The following GPC5 variants were observed in gnomAD, a reference collection of about 807,000 sequenced individuals.
GPC5 encodes glypican-5.
Under a neutral mutation model 53.9 loss-of-function variants are expected in GPC5, and 47 were observed. The observed-to-expected ratio is 0.87, with a 90% CI of 0.69 to 1.11. GPC5 has a LOEUF of 1.11. GPC5 is among the 50% of genes most tolerant of loss of function. GPC5 has a pLI of 0.00. For synonymous variants in GPC5, 286 were observed against 263.3 expected (o/e 1.09, Z -0.84); for missense variants, 748 against 713.1 (o/e 1.05, Z -0.56).
chr13:92,400,526 C>T (rs953196635), intron 7 of GPC5, among the ~76,000 whole-genome samples: 2 of 152,158 alleles, frequency 1.3e-5, no homozygotes, highest in African/African-American at 4.8e-5. Context: ...TGTTCCATAT[C>T]CTAAAATTTT....
intron 6 of GPC5, among the ~76,000 whole-genome samples, chr13:92,094,031 A>G (rs1214573561): frequency 3.3e-5 from 5 of 152,196 alleles, no homozygotes; most frequent in African/African-American, 1.2e-4. Flanking sequence ...TTACCTCATA[A>G]TGCTATCATT....
At chr13:91,599,077 T>G (rs2033091930) in intron 2 of GPC5, among the ~76,000 whole-genome samples, 1 of 152,102 alleles carries the variant, frequency 6.6e-6, no homozygotes, top group Non-Finnish European at 1.5e-5. Flanking sequence ...ATCAAGTGGT[T>G]TTTGATGACA....
intron 5 of GPC5, among the ~76,000 whole-genome samples, chr13:91,818,975 G>T: frequency 6.6e-6 from 1 of 151,646 alleles, no homozygotes; most frequent in Non-Finnish European, 1.5e-5. Context: ...GCATTTAATG[G>T]ATGCATATAA....
intron 5 of GPC5, among the ~76,000 whole-genome samples, chr13:91,870,639 T>C (rs1408907214): frequency 2.6e-5 from 4 of 152,164 alleles, no homozygotes; most frequent in Admixed American, 2.6e-4. Flanking sequence ...GTCTTCACGC[T>C]ATAGACGCAT....
intron 7 of GPC5, among the ~76,000 whole-genome samples, chr13:92,699,406 G>GT (rs1887657591): frequency 1.4e-5 from 2 of 147,508 alleles, no homozygotes; most frequent in Non-Finnish European, 3.0e-5. Context: ...TTTTTGAAGG[G>GT]TTTTTTGTGT....
At chr13:92,429,302 G>A (rs1446401540) in intron 7 of GPC5, among the ~76,000 whole-genome samples, 1 of 151,852 alleles carries the variant, frequency 6.6e-6, no homozygotes, top group African/African-American at 2.4e-5. Context: ...AACCAAAACT[G>A]TATGCAAGAT....
chr13:92,254,666 G>A (rs943720601), intron 7 of GPC5, among the ~76,000 whole-genome samples: 1 of 152,144 alleles, frequency 6.6e-6, no homozygotes, highest in African/African-American at 2.4e-5. Flanking sequence ...ACACGGCTGG[G>A]GAGGCCTTGG....
chr13:92,110,427 T>A (rs181051319), intron 6 of GPC5, among the ~76,000 whole-genome samples: 1 of 152,262 alleles, frequency 6.6e-6, no homozygotes, highest in Admixed American at 6.5e-5. Flanking sequence ...GCAGCTTCCA[T>A]GAATTATTCT....
intron 7 of GPC5, among the ~76,000 whole-genome samples, chr13:92,373,862 T>A (rs2043671148): frequency 6.6e-6 from 1 of 152,190 alleles, no homozygotes; most frequent in Admixed American, 6.5e-5. Flanking sequence ...TTCATCTGAT[T>A]AACAGTGTAG....
intron 1 of GPC5, among the ~76,000 whole-genome samples, chr13:91,407,565 A>AT (rs960146881): frequency 4.6e-5 from 7 of 151,992 alleles, no homozygotes; most frequent in Admixed American, 1.3e-4. Context: ...GTATTACTTG[A>AT]TTTTTTTTCT....
intron 6 of GPC5, among the ~76,000 whole-genome samples, chr13:92,130,785 TGGA>T (rs2041737120): frequency 6.6e-6 from 1 of 152,040 alleles, no homozygotes; most frequent in African/African-American, 2.4e-5. Context: ...CTTATATTGT[TGGA>T]GAAGTGGAAA....
intron 2 of GPC5, among the ~76,000 whole-genome samples, chr13:91,462,596 C>T (rs996410280): frequency 9.9e-5 from 15 of 152,230 alleles, no homozygotes; most frequent in African/African-American, 3.4e-4. Flanking sequence ...ATCTGTAAGA[C>T]ATTGTAGAGG....
intron 7 of GPC5, among the ~76,000 whole-genome samples, chr13:92,413,822 T>G (rs56341020): frequency 6.6e-6 from 1 of 152,258 alleles, no homozygotes; most frequent in Admixed American, 6.5e-5. Flanking sequence ...GGGGCTGAGA[T>G]GAGGCTATTT....
intron 6 of GPC5, among the ~76,000 whole-genome samples, chr13:91,953,290 G>A (rs1012751316): frequency 6.6e-6 from 1 of 152,102 alleles, no homozygotes; most frequent in Non-Finnish European, 1.5e-5. Flanking sequence ...TTGAAGTTAG[G>A]AGTTATTTTT....
At chr13:91,818,678 A>G (rs2038438064) in intron 5 of GPC5, among the ~76,000 whole-genome samples, 1 of 152,262 alleles carries the variant, frequency 6.6e-6, no homozygotes, top group Non-Finnish European at 1.5e-5. Flanking sequence ...GTTCTGTGCT[A>G]GGCCCTCCAG....
At chr13:92,160,756 C>T (rs1018189911) in intron 7 of GPC5, among the ~76,000 whole-genome samples, 14 of 152,096 alleles carry the variant, frequency 9.2e-5, no homozygotes, top group African/African-American at 3.4e-4. Context: ...AAAGTTGAGG[C>T]AAGGCAATTA....
chr13:92,468,407 G>T lies in GPC5; in HGVS notation c.1561+323418G>T, dbSNP rs539585067. On this transcript the variant is annotated intron_variant, in intron 7 of 7. Transcript: ENST00000377067. ...GAATGCAGATTTAGAGAGCCTGTTAGTCTGGGGAGAAACAGTAACTTGTCT... is the reference window on the plus strand; with the variant it reads ...GAATGCAGATTTAGAGAGCCTGTTATTCTGGGGAGAAACAGTAACTTGTCT... 2.6e-5 allele frequency among the ~76,000 whole-genome samples: 4 copies of T among 152,242 alleles called. No homozygotes were observed. The South Asian group carries it at 8.3e-4, about 32-fold the overall frequency.
rs189371550 is a variant in GPC5 at position 91,719,610 on chromosome 13, A to C, written c.1021-8922A>C. Among the ~76,000 whole-genome samples, 225 of 152,328 alleles carry C rather than the reference A, an allele frequency of 1.5e-3. 1 individual carries two copies. Among genetic ancestry groups the C allele is most frequent in the African/African-American group, 5.0e-3 (210 of 41,586 alleles). On this transcript the variant is annotated intron_variant, in intron 3 of 7. Coordinates refer to ENST00000377067, the MANE Select transcript of GPC5 (RefSeq NM_004466.6). ...GACATGATATTCACAAAATAGATCT[A>C]TGGTTTAGGAAACTGTTTGCAATGC...
At chr13:92,204,877 TG>T (rs1427580580) in intron 7 of GPC5, among the ~76,000 whole-genome samples, 2 of 152,230 alleles carry the variant, frequency 1.3e-5, no homozygotes, top group African/African-American at 2.4e-5. Flanking sequence ...TTTTGGTTTT[TG>T]TTTGTTGTTT....
Sources: gnomAD v4.1 joint callset for allele counts (sites outside exome capture counted in the v4.1 genomes callset) on GRCh38, gnomAD v4.1.1 for gene constraint, MANE v1.5 for transcripts, NCBI Gene and HGNC (gene_info 2026-07-23, HGNC 2026-07-21) for gene names.